The following RSPH14 variants were observed in gnomAD, a reference collection of about 807,000 sequenced individuals.
RSPH14 encodes rhabdoid tumor deletion region gene 1.
Under a neutral mutation model 26.7 loss-of-function variants are expected in RSPH14, and 20 were observed. That is an observed-to-expected ratio of 0.75 (90% CI 0.53 to 1.09). The LOEUF is 1.09. RSPH14 is among the 50% of genes least tolerant of loss of function. RSPH14 has a pLI of 0.00. For missense variants in RSPH14, 449 were observed against 457.2 expected (o/e 0.98, Z 0.16); for synonymous variants, 177 against 189.3 (o/e 0.93, Z 0.53).
At chr22:23,080,094 T>A (rs1352109570) in intron 4 of RSPH14, among the ~76,000 whole-genome samples, 1 of 152,172 alleles carries the variant, frequency 6.6e-6, no homozygotes, top group Non-Finnish European at 1.5e-5. Flanking sequence ...CCTCTTTGAT[T>A]TGGCTCTTAA....
the RSPH14 span, among the ~76,000 whole-genome samples, chr22:23,169,952 CT>C: frequency 6.6e-6 from 1 of 151,982 alleles, no homozygotes; most frequent in East Asian, 1.9e-4. Context: ...TAAAAATTAG[CT>C]GGGCATGGTG....
chr22:23,124,653 C>A, intron 4 of RSPH14: 1 of 217,586 alleles, frequency 4.6e-6, no homozygotes, highest in Non-Finnish European at 9.7e-6. Context: ...GGTGGTGCCC[C>A]TGGTCCCAGC....
intron 4 of RSPH14, among the ~76,000 whole-genome samples, chr22:23,117,341 G>T (rs2069875414): frequency 6.6e-6 from 1 of 152,218 alleles, no homozygotes; most frequent in Non-Finnish European, 1.5e-5. Flanking sequence ...CATCACATCG[G>T]CCATTGCATC....
the RSPH14 span, among the ~76,000 whole-genome samples, chr22:23,168,178 C>T: frequency 2.6e-5 from 4 of 152,286 alleles, 1 homozygote; most frequent in East Asian, 3.9e-4. Flanking sequence ...GATGCCAGCC[C>T]GACCCCATTT....
chr22:23,140,147 T>C, intron 2 of RSPH14, 75 bp downstream of exon 2: 1 of 1,575,228 alleles, frequency 6.3e-7, no homozygotes, highest in East Asian at 2.3e-5. Flanking sequence ...GCAACCCTTA[T>C]TACTGAAGTT....
intron 4 of RSPH14, among the ~76,000 whole-genome samples, chr22:23,113,888 G>A (rs1446732500): frequency 1.3e-5 from 2 of 152,334 alleles, no homozygotes; most frequent in African/African-American, 2.4e-5. Context: ...GCAGGCACCC[G>A]CTACCGATGG....
upstream of RSPH14, chr22:23,146,506 C>T: frequency 1.3e-6 from 2 of 1,491,566 alleles, no homozygotes; most frequent in Non-Finnish European, 9.0e-7. Flanking sequence ...GCCACTGCAC[C>T]CAGCCTGGAT....
At chr22:23,105,652 G>A (rs963556955) in intron 4 of RSPH14, among the ~76,000 whole-genome samples, 10 of 152,220 alleles carry the variant, frequency 6.6e-5, no homozygotes, top group African/African-American at 2.4e-4. Context: ...TGCTTTCTTC[G>A]CATGGTGATG....
At chr22:23,080,413 G>A (rs1389926676) in intron 4 of RSPH14, among the ~76,000 whole-genome samples, 1 of 152,202 alleles carries the variant, frequency 6.6e-6, no homozygotes, top group Non-Finnish European at 1.5e-5. Flanking sequence ...AAGGACACTG[G>A]GAGGCCCAGC....
At chr22:23,067,243 T>TG (rs2146222322) in intron 4 of RSPH14, among the ~76,000 whole-genome samples, 1 of 152,232 alleles carries the variant, frequency 6.6e-6, no homozygotes, top group East Asian at 1.9e-4. Context: ...GGGCGGGTGC[T>TG]GACACCATGT....
intron 4 of RSPH14, among the ~76,000 whole-genome samples, chr22:23,120,381 A>G (rs1321204735): frequency 6.6e-6 from 1 of 152,082 alleles, no homozygotes; most frequent in East Asian, 1.9e-4. Flanking sequence ...CACGTGGTCT[A>G]TCGGCCCCTC....
intron 4 of RSPH14, among the ~76,000 whole-genome samples, chr22:23,100,393 T>TG (rs2069263188): frequency 6.6e-6 from 1 of 152,226 alleles, no homozygotes; most frequent in South Asian, 2.1e-4. Flanking sequence ...GTGGGAGGCC[T>TG]GGTGTCTCTG....
intron 4 of RSPH14, among the ~76,000 whole-genome samples, chr22:23,120,882 G>A (rs552832761): frequency 1.3e-5 from 2 of 152,278 alleles, no homozygotes; most frequent in Admixed American, 6.5e-5. Flanking sequence ...TTAATAATAC[G>A]TGCTAATGGT....
chr22:23,086,054 T>C (rs1299464056), intron 4 of RSPH14, among the ~76,000 whole-genome samples: 1 of 152,254 alleles, frequency 6.6e-6, no homozygotes, highest in Non-Finnish European at 1.5e-5. Flanking sequence ...CTCTACACTG[T>C]TTTGTATTTA....
upstream of RSPH14, chr22:23,145,379 G>T (rs775409255): frequency 3.1e-6 from 5 of 1,607,654 alleles, no homozygotes; most frequent in South Asian, 5.5e-5. Context: ...GTGATCGCCG[G>T]TGCAAGCTGG....
intron 4 of RSPH14, among the ~76,000 whole-genome samples, chr22:23,112,807 T>C (rs1260768594): frequency 1.3e-5 from 2 of 151,862 alleles, no homozygotes; most frequent in African/African-American, 2.4e-5. Context: ...TCAGTGGGGA[T>C]AGGGACCTGG....
At chr22:23,063,273 A>G (rs1217735437) in intron 5 of RSPH14, among the ~76,000 whole-genome samples, 1 of 152,206 alleles carries the variant, frequency 6.6e-6, no homozygotes, top group African/African-American at 2.4e-5. Flanking sequence ...AAGAGAAGCC[A>G]GGACTTAGGG....
upstream of RSPH14, among the ~76,000 whole-genome samples, chr22:23,149,727 A>T (rs1199734407): frequency 6.6e-6 from 1 of 152,102 alleles, no homozygotes; most frequent in Non-Finnish European, 1.5e-5. Flanking sequence ...GGATCTTGGC[A>T]CCAAAAGAGC....
chr22:23,127,094 C>T (rs1027272570), intron 4 of RSPH14, among the ~76,000 whole-genome samples: 1 of 152,230 alleles, frequency 6.6e-6, no homozygotes, highest in Non-Finnish European at 1.5e-5. Context: ...ACTCTGTCCA[C>T]ATTCCCCAGA....
Sources: allele counts gnomAD v4.1 joint callset (sites outside exome capture counted in the v4.1 genomes callset), GRCh38; gene constraint gnomAD v4.1.1; transcripts MANE v1.5; gene names NCBI Gene and HGNC (gene_info 2026-07-23, HGNC 2026-07-21).